Variants in CD9 observed in about 807,000 individuals in gnomAD.
CD9 encodes the protein CD9 molecule.
A neutral mutation model predicts 31.4 loss-of-function variants in CD9; 10 were observed. That is an observed-to-expected ratio of 0.32 (90% CI 0.20 to 0.54). The LOEUF is 0.54. CD9 is among the 20% of genes least tolerant of loss of function. The pLI, the probability that CD9 is intolerant of heterozygous loss-of-function variation, is 0.94. For missense variants in CD9, 259 were observed against 300.1 expected, an observed-to-expected ratio of 0.86 and a Z score of 1.01; for synonymous variants, 113 against 114.1, an observed-to-expected ratio of 0.99 and a Z score of 0.06.
chr12:6,201,562 T>G (rs1946078083), intron 1 of CD9, among the ~76,000 whole-genome samples: 1 of 152,176 alleles, frequency 6.6e-6, no homozygotes, highest in Non-Finnish European at 1.5e-5. Context: ...CCTCTACAAA[T>G]GGGAAGGCTG....
At chr12:6,209,627 G>C (rs1467628812) in intron 1 of CD9, among the ~76,000 whole-genome samples, 2 of 150,600 alleles carry the variant, frequency 1.3e-5, no homozygotes, top group Non-Finnish European at 2.9e-5. Context: ...TAGTCAAATT[G>C]TAGCCCTGGC....
At chr12:6,237,075 G>A (rs1946532100) in intron 7 of CD9, among the ~76,000 whole-genome samples, 1 of 152,144 alleles carries the variant, frequency 6.6e-6, no homozygotes, top group African/African-American at 2.4e-5. Flanking sequence ...GCCTCTCTGG[G>A]TTCAAGCAAT....
intron 2 of CD9, among the ~76,000 whole-genome samples, chr12:6,227,951 C>T (rs886220746): frequency 1.3e-5 from 2 of 152,216 alleles, no homozygotes; most frequent in East Asian, 1.9e-4. Flanking sequence ...AGCTGGGGCT[C>T]ACCTCTGGGA....
rs1323773895 is a variant in CD9 at position 6,232,655 on chromosome 12, G to A, written c.199G>A (p.Gly67Ser). The change falls in exon 3 of 8, where the codon GGC becomes AGC. Residue 67 changes from glycine to serine, a missense_variant. Coordinates refer to ENST00000009180, the MANE Select transcript of CD9 (RefSeq NM_001769.4). This position sits in a 1 kb window ranked among gnomAD's most constrained non-coding sequence, Gnocchi z 4.8. ...YTGVYILIGA[G>S]ALMMLVGFLG... ...AGGAGTCTATATTCTGATCGGAGCC[G>A]GCGCCCTCATGATGCTGGTGGGCTT... 7 of 1,578,814 alleles carry A rather than the reference G, an allele frequency of 4.4e-6. No homozygotes were observed. Among genetic ancestry groups the A allele is most frequent in the East Asian group, 4.6e-5 (2 of 43,258 alleles).
intron 1 of CD9, among the ~76,000 whole-genome samples, chr12:6,215,135 G>C (rs573275255): frequency 6.6e-6 from 1 of 152,108 alleles, no homozygotes; most frequent in African/African-American, 2.4e-5. Context: ...TCTCCAGATC[G>C]GAGTGTAAAG....
At chr12:6,217,066 G>A (rs1237578003) in intron 1 of CD9, among the ~76,000 whole-genome samples, 1 of 152,142 alleles carries the variant, frequency 6.6e-6, no homozygotes, top group Admixed American at 6.6e-5. Flanking sequence ...CAGAGAAGCT[G>A]AGGAAAGTGT....
chr12:6,224,737 G>T (rs1946340337), intron 1 of CD9, among the ~76,000 whole-genome samples: 1 of 152,148 alleles, frequency 6.6e-6, no homozygotes. Flanking sequence ...GGGGGACTTG[G>T]CAGGAGGCCT....
At chr12:6,235,924 C>T in intron 6 of CD9, 1 of 1,391,982 alleles carries the variant, frequency 7.2e-7, no homozygotes, top group Non-Finnish European at 9.3e-7. Flanking sequence ...GGTGACCTTA[C>T]AACCATGTCA....
chr12:6,201,545 C>T (rs1053838672), intron 1 of CD9, among the ~76,000 whole-genome samples: 2 of 152,252 alleles, frequency 1.3e-5, no homozygotes, highest in African/African-American at 2.4e-5. Context: ...TGCTGCAGGC[C>T]ACTCAGCCTC....
At chr12:6,207,082 A>C (rs1480217734) in intron 1 of CD9, among the ~76,000 whole-genome samples, 1 of 152,010 alleles carries the variant, frequency 6.6e-6, no homozygotes, top group Non-Finnish European at 1.5e-5. Context: ...GGGTCTCTCT[A>C]TGTCGCCCAA....
At chr12:6,230,477 A>G (rs935531077) in intron 2 of CD9, among the ~76,000 whole-genome samples, 6 of 152,212 alleles carry the variant, frequency 3.9e-5, no homozygotes, top group African/African-American at 1.4e-4. Flanking sequence ...TAGAGAAAAC[A>G]TGTCTGCCTG....
intron 1 of CD9, among the ~76,000 whole-genome samples, chr12:6,209,253 C>A (rs1395548532): frequency 1.3e-5 from 2 of 152,222 alleles, no homozygotes; most frequent in Non-Finnish European, 2.9e-5. Flanking sequence ...AGCCACCGCA[C>A]CGGGCTCGTC....
At chr12:6,210,188 G>A (rs1946179524) in intron 1 of CD9, among the ~76,000 whole-genome samples, 2 of 152,172 alleles carry the variant, frequency 1.3e-5, no homozygotes, top group South Asian at 4.1e-4. Context: ...TCTGGGGAAG[G>A]GCAGAGGCTC....
chr12:6,222,569 G>T lies in CD9; in HGVS notation c.67-2857G>T, dbSNP rs550875349. On this transcript the variant is annotated intron_variant, in intron 1 of 7. Transcript: ENST00000009180. ...GACTCCCGACTCCGGGCTTGGCCTGGCCCTTGGCCAAGATAAGAGACCTGA... is the reference window on the plus strand; with the variant it reads ...GACTCCCGACTCCGGGCTTGGCCTGTCCCTTGGCCAAGATAAGAGACCTGA... Among the ~76,000 whole-genome samples, 5 of 151,784 alleles carry T rather than the reference G, an allele frequency of 3.3e-5. No individual in the cohort carries two copies. The East Asian group carries it at 9.7e-4, about 29-fold the overall frequency.
At chr12:6,211,469 C>T (rs1946193448) in intron 1 of CD9, among the ~76,000 whole-genome samples, 1 of 152,160 alleles carries the variant, frequency 6.6e-6, no homozygotes, top group Non-Finnish European at 1.5e-5. Flanking sequence ...TTTTAGCCGA[C>T]CCTGCCACTC....
At chr12:6,230,077 A>T (rs747859130) in intron 2 of CD9, among the ~76,000 whole-genome samples, 2 of 152,308 alleles carry the variant, frequency 1.3e-5, no homozygotes, top group South Asian at 2.1e-4. Context: ...TAGCCCTTGT[A>T]AAAACCAGCC....
chr12:6,200,831 G>T, intron 1 of CD9: 2 of 414,942 alleles, frequency 4.8e-6, no homozygotes, highest in Non-Finnish European at 4.3e-6. Context: ...TGAGGCGTGC[G>T]GGAGGGTCCT....
chr12:6,200,729 G>A (rs797774), intron 1 of CD9, 164 bp downstream of exon 1: 220,041 of 505,416 alleles, frequency 0.44, 49,312 homozygotes, highest in Admixed American at 0.55. Flanking sequence ...TCCAAGGCCG[G>A]GTCCAGAGCC....
At chr12:6,224,736 G>A (rs1378040415) in intron 1 of CD9, among the ~76,000 whole-genome samples, 5 of 152,150 alleles carry the variant, frequency 3.3e-5, no homozygotes, top group African/African-American at 1.2e-4. Flanking sequence ...GGGGGGACTT[G>A]GCAGGAGGCC....
Sources: gnomAD v4.1 joint callset for allele counts (sites outside exome capture counted in the v4.1 genomes callset) on GRCh38, gnomAD v4.1.1 for gene constraint, Gnocchi (gnomAD v3.1) non-coding constraint, MANE v1.5 for transcripts, NCBI Gene and HGNC (gene_info 2026-07-23, HGNC 2026-07-21) for gene names.